The following ABLIM1 variants were observed in gnomAD, a reference collection of about 807,000 sequenced individuals.
ABLIM1 encodes actin-binding LIM protein 1.
In ABLIM1, 40 loss-of-function variants were observed where a neutral mutation model predicts 107.0. That is an observed-to-expected ratio of 0.37 (90% confidence interval 0.29 to 0.49). The LOEUF is 0.49. Among genes scored for constraint, ABLIM1 ranks in the 20% least tolerant of loss-of-function variants. The pLI is 0.97. For missense variants in ABLIM1, 857 were observed against 1,008.5 expected (o/e 0.85, Z 2.04); for synonymous variants, 357 against 357.3 (o/e 1.00, Z 0.01).
At position 114,474,680 on chromosome 10, in the gene ABLIM1, G is replaced by A. The variant is rs566136319; in HGVS notation, c.1042-724C>T. On this transcript the variant is annotated intron_variant, in intron 8 of 22. Transcript: ENST00000533213. ...CAGGCGTGAGCCACCGCACTCAGCC[G>A]AGAGACCTTTCAAGAACATAATTTG... 3.3e-5 allele frequency among the ~76,000 whole-genome samples: 5 copies of A among 152,184 alleles called. No individual in the cohort carries two copies. In the South Asian group the frequency reaches 6.2e-4, roughly 19 times the overall value.
the ABLIM1 span, among the ~76,000 whole-genome samples, chr10:114,781,117 G>A: frequency 6.6e-6 from 1 of 152,130 alleles, no homozygotes; most frequent in Non-Finnish European, 1.5e-5. Flanking sequence ...AAAATTTGAT[G>A]CCAGTACTAA....
chr10:114,748,813 C>T (rs554621722), intron 1 of ABLIM1, among the ~76,000 whole-genome samples: 28 of 152,110 alleles, frequency 1.8e-4, no homozygotes, highest in African/African-American at 6.3e-4. Context: ...TTCACCACCA[C>T]ACCCAGCTAA....
At chr10:114,513,826 G>C (rs1443395999) in intron 6 of ABLIM1, among the ~76,000 whole-genome samples, 1 of 152,198 alleles carries the variant, frequency 6.6e-6, no homozygotes, top group Non-Finnish European at 1.5e-5. Context: ...CAGAGAGATA[G>C]CAAGGATTTA....
chr10:114,548,425 C>A (rs1331458859), intron 4 of ABLIM1, among the ~76,000 whole-genome samples: 1 of 152,066 alleles, frequency 6.6e-6, no homozygotes, highest in African/African-American at 2.4e-5. Flanking sequence ...CAGTGAGGAA[C>A]CCCAGCTAAC....
chr10:114,589,821 T>C (rs895923371), intron 2 of ABLIM1, among the ~76,000 whole-genome samples: 1 of 152,174 alleles, frequency 6.6e-6, no homozygotes, highest in Non-Finnish European at 1.5e-5. Context: ...TAAGGTTAAT[T>C]TATTAGTAAA....
At position 114,486,969 on chromosome 10, in the gene ABLIM1, C is replaced by T. The variant is rs147130016; in HGVS notation, c.1041+989G>A. ...AAAATAAGAGCTGTAATTCCCAGGG[C>T]GGCAGGCAAAGGGATCTGAAAAAAG... On this transcript the variant is annotated intron_variant, in intron 8 of 22. Transcript: ENST00000533213. 4.3e-4 allele frequency among the ~76,000 whole-genome samples: 65 copies of T among 152,244 alleles called. No individual in the cohort carries two copies. In the Middle Eastern group the frequency reaches 0.01, roughly 24 times the overall value.
chr10:114,606,977 C>T (rs2076460285), intron 1 of ABLIM1, among the ~76,000 whole-genome samples: 1 of 152,218 alleles, frequency 6.6e-6, no homozygotes, highest in Non-Finnish European at 1.5e-5. Context: ...CCTTCACATC[C>T]CCTGTGCCTC....
At position 114,583,404 on chromosome 10, in the gene ABLIM1, AACACACACACACACACACAC is replaced by A. The variant is rs1164587300; in HGVS notation, c.380-7825_380-7806del. Among the ~76,000 whole-genome samples, 123 of 71,298 alleles carry A rather than the reference AACACACACACACACACACAC, an allele frequency of 1.7e-3. 3 individuals carry two copies. The highest frequency in any genetic ancestry group is 3.5e-3 in the African/African-American group (60 of 16,972). The allele number at this position is 71,298 out of a possible 152,430, so 46.8% of individuals were successfully genotyped here. ...TGCTCCAAGGCTGTGGAGAAAAGGG[AACACACACACACACACACAC>A]ACACACACACACACACACACACACA... On this transcript the variant is annotated intron_variant, in intron 2 of 22. Transcript: ENST00000533213.
intron 1 of ABLIM1, 135 bp from the exon 2 acceptor site, chr10:114,602,096 C>A: frequency 8.5e-7 from 1 of 1,174,874 alleles, no homozygotes; most frequent in Non-Finnish European, 1.2e-6. Flanking sequence ...GCAGTCCCTC[C>A]AAGTCATAAT....
At chr10:114,641,822 A>G (rs1311631714) in intron 1 of ABLIM1, among the ~76,000 whole-genome samples, 1 of 152,094 alleles carries the variant, frequency 6.6e-6, no homozygotes. Flanking sequence ...GAAGTTAGTG[A>G]GGTGGAGGAG....
At chr10:114,772,995 T>A (rs932980973), upstream of ABLIM1, among the ~76,000 whole-genome samples, 9 of 152,128 alleles carry the variant, frequency 5.9e-5, no homozygotes, top group African/African-American at 1.9e-4. Flanking sequence ...TTTAGTGAAT[T>A]GGAAAGTAGA....
At chr10:114,598,258 G>A (rs1412348260) in intron 2 of ABLIM1, among the ~76,000 whole-genome samples, 1 of 122,678 alleles carries the variant, frequency 8.2e-6, no homozygotes, top group Non-Finnish European at 1.6e-5. Context: ...TGGGCAACAA[G>A]AGTGAAACTC....
intron 1 of ABLIM1, chr10:114,615,687 G>A (rs950996625): frequency 2.3e-5 from 9 of 395,150 alleles, no homozygotes; most frequent in Non-Finnish European, 4.8e-5. Flanking sequence ...GTCTTTGGGT[G>A]AAACTGAAAG....
intron 6 of ABLIM1, among the ~76,000 whole-genome samples, chr10:114,542,662 A>G (rs549718261): frequency 1.3e-5 from 2 of 152,244 alleles, no homozygotes; most frequent in East Asian, 1.9e-4. Context: ...AGTTGCCCCA[A>G]CTCAACAGGT....
At chr10:114,502,440 A>ACCT (rs1159544415) in intron 6 of ABLIM1, 2 of 151,742 alleles carry the variant, frequency 1.3e-5, no homozygotes, top group East Asian at 3.9e-4. Flanking sequence ...TCTGCAATAC[A>ACCT]CCTCCCCCCA....
chr10:114,723,442 G>A (rs1175935323), intron 1 of ABLIM1, among the ~76,000 whole-genome samples: 1 of 152,234 alleles, frequency 6.6e-6, no homozygotes, highest in African/African-American at 2.4e-5. Context: ...AAAAGCATGG[G>A]CTACTACCTT....
intron 6 of ABLIM1, among the ~76,000 whole-genome samples, chr10:114,539,397 A>C (rs1322231281): frequency 6.6e-6 from 1 of 152,196 alleles, no homozygotes; most frequent in East Asian, 1.9e-4. Context: ...AGGAAGTATT[A>C]CATTAAGAGT....
chr10:114,506,909 T>C lies in ABLIM1; in HGVS notation c.895-15031A>G, dbSNP rs2497704. Reference sequence around the variant, plus strand: ...CTAAAATAAATCTTAAAGGACTTCATGGGAGCTGGGTAGGAACCGGTGCTC... The same window carrying C: ...CTAAAATAAATCTTAAAGGACTTCACGGGAGCTGGGTAGGAACCGGTGCTC... On this transcript the variant is annotated intron_variant, in intron 6 of 22. Transcript: ENST00000533213. Among the ~76,000 whole-genome samples the C allele has an allele frequency of 6.6e-3, 1,006 of 152,334 alleles. 12 individuals are homozygous for C. Among genetic ancestry groups the C allele is most frequent in the African/African-American group, 0.023 (943 of 41,562 alleles).
the ABLIM1 span, among the ~76,000 whole-genome samples, chr10:114,790,203 T>C: frequency 6.6e-6 from 1 of 151,522 alleles, no homozygotes; most frequent in Admixed American, 6.6e-5. Flanking sequence ...GCCTGGAATA[T>C]AGAGGTTCCT....
Sources: gnomAD v4.1 joint callset for allele counts (sites outside exome capture counted in the v4.1 genomes callset) on GRCh38, gnomAD v4.1.1 for gene constraint, MANE v1.5 for transcripts, NCBI Gene and HGNC (gene_info 2026-07-23, HGNC 2026-07-21) for gene names.